RFC4: variants seen among roughly 807,000 people sequenced by gnomAD.
The protein encoded by RFC4 is A1 37 kDa subunit.
In RFC4, 38 loss-of-function variants were observed where a neutral mutation model predicts 47.6. The observed-to-expected ratio is 0.80, with a 90% CI of 0.62 to 1.05. RFC4 has a LOEUF of 1.05. Among genes scored for constraint, RFC4 ranks in the 50% least tolerant of loss-of-function variants. The probability of loss-of-function intolerance (pLI) is 0.00; values close to 1 mark genes in which losing one functional copy is unlikely to be tolerated. For synonymous variants in RFC4, 164 were observed against 150.0 expected (o/e 1.09, Z -0.68); for missense variants, 489 against 434.0 (o/e 1.13, Z -1.13).
intron 8 of RFC4, chr3:186,791,426 C>G (rs904695412): frequency 8.9e-6 from 3 of 336,670 alleles, no homozygotes; most frequent in Non-Finnish European, 1.7e-5. Flanking sequence ...GTCGGTATTG[C>G]GTCACTGCAC....
At chr3:186,798,215 G>A (rs747615875) in intron 3 of RFC4, among the ~76,000 whole-genome samples, 21 of 152,168 alleles carry the variant, frequency 1.4e-4, no homozygotes, top group Non-Finnish European at 2.9e-4. Flanking sequence ...GTATCAGGGA[G>A]AATTCATTAG....
intron 6 of RFC4, 31 bp downstream of exon 6, chr3:186,792,773 C>A (rs1176247851): frequency 6.3e-7 from 1 of 1,582,652 alleles, no homozygotes; most frequent in South Asian, 1.2e-5. Flanking sequence ...ATAAGGCTGC[C>A]TAGCATCTGT....
intron 2 of RFC4, among the ~76,000 whole-genome samples, chr3:186,802,690 T>C (rs1722383260): frequency 6.6e-6 from 1 of 152,206 alleles, no homozygotes; most frequent in Non-Finnish European, 1.5e-5. Flanking sequence ...CTTTGATCCA[T>C]ACTTTTCGAT....
At chr3:186,800,552 C>T (rs1360674551) in intron 3 of RFC4, among the ~76,000 whole-genome samples, 2 of 152,182 alleles carry the variant, frequency 1.3e-5, no homozygotes, top group African/African-American at 4.8e-5. Flanking sequence ...TAATTTTTCA[C>T]ATGGGTTTAT....
intron 2 of RFC4, among the ~76,000 whole-genome samples, chr3:186,803,459 C>G (rs1722403210): frequency 6.6e-6 from 1 of 152,160 alleles, no homozygotes; most frequent in Admixed American, 6.6e-5. Context: ...CTACATTCAA[C>G]CAATAGTTAC....
At chr3:186,792,998 T>C (rs781157425) in intron 5 of RFC4, 51 bp from the exon 6 acceptor site, 2 of 1,495,050 alleles carry the variant, frequency 1.3e-6, no homozygotes, top group East Asian at 2.3e-5. Flanking sequence ...ATATTGGTTT[T>C]AACAGCTTTG....
chr3:186,790,460 C>A (rs982032678), intron 8 of RFC4, 54 bp from the exon 9 acceptor site: 2 of 1,230,144 alleles, frequency 1.6e-6, no homozygotes, highest in East Asian at 2.4e-5. Flanking sequence ...ACTAGACATA[C>A]ACTCTGCCAA....
chr3:186,790,710 C>T (rs1400484237), intron 8 of RFC4, among the ~76,000 whole-genome samples: 13 of 151,968 alleles, frequency 8.6e-5, no homozygotes, highest in African/African-American at 2.4e-4. Flanking sequence ...GCGGCTATAA[C>T]GATTCCTCAG....
chr3:186,802,047 T>TAAAAAAAAAAAAAAAAAAAAA (rs1722369515), intron 2 of RFC4, among the ~76,000 whole-genome samples: 1 of 127,778 alleles, frequency 7.8e-6, no homozygotes. Flanking sequence ...AAAAAAAAAT[T>TAAAAAAAAAAAAAAAAAAAAA]AAAGTGAACA....
chr3:186,804,836 C>G, intron 1 of RFC4, 112 bp from the exon 2 acceptor site: 1 of 991,836 alleles, frequency 1.0e-6, no homozygotes, highest in Non-Finnish European at 1.5e-6. Context: ...AAGTACAGCC[C>G]GAAAATAAAC....
At chr3:186,801,439 C>T in intron 2 of RFC4, 1 of 471,078 alleles carries the variant, frequency 2.1e-6, no homozygotes, top group Non-Finnish European at 3.8e-6. Flanking sequence ...GTTATACCCA[C>T]AAAAATTAAA....
intron 3 of RFC4, among the ~76,000 whole-genome samples, chr3:186,800,772 T>G (rs990631590): frequency 6.6e-6 from 1 of 152,196 alleles, no homozygotes; most frequent in East Asian, 1.9e-4. Flanking sequence ...AATTATTTAT[T>G]GGTTTACTTG....
At chr3:186,797,165 C>T (rs1722258241) in intron 4 of RFC4, among the ~76,000 whole-genome samples, 1 of 152,196 alleles carries the variant, frequency 6.6e-6, no homozygotes, top group Non-Finnish European at 1.5e-5. Flanking sequence ...ACAGCAGATT[C>T]TATCATGTAG....
chr3:186,792,671 AT>A lies in RFC4; in HGVS notation c.555-62del, dbSNP rs1295847885. On this transcript the variant is annotated intron_variant, in intron 6 of 10. Coordinates refer to ENST00000296273, the MANE Select transcript of RFC4 (RefSeq NM_002916.5). ...AGAAAGAATTTCCCCAAAAGAACTCATTTTTATCAAGAACAAATCAAGATTT... is the reference window on the plus strand; with the variant it reads ...AGAAAGAATTTCCCCAAAAGAACTCATTTTATCAAGAACAAATCAAGATTT... 3 of 1,576,954 alleles carry A rather than the reference AT, an allele frequency of 1.9e-6. No individual in the cohort carries two copies. The Admixed American group carries it at 5.6e-5, about 29-fold the overall frequency.
At chr3:186,795,232 C>T (rs1722219232) in intron 4 of RFC4, among the ~76,000 whole-genome samples, 1 of 152,162 alleles carries the variant, frequency 6.6e-6, no homozygotes, top group Non-Finnish European at 1.5e-5. Flanking sequence ...CTCAGGTGAT[C>T]CTTCCACCTT....
In RFC4 at chr3:186,796,866, T is replaced by C. The variant is rs1168629300; in HGVS notation, c.290+669A>G. Among the ~76,000 whole-genome samples, 1 of 152,242 alleles carries C rather than the reference T, an allele frequency of 6.6e-6. No homozygotes were observed. The highest frequency in any genetic ancestry group is 2.4e-5 in the African/African-American group (1 of 41,460). On this transcript the variant is annotated intron_variant, in intron 4 of 10. Transcript: ENST00000296273. The surrounding 1 kb of genome is among the most constrained non-coding windows in gnomAD (Gnocchi z 4.2). ...TAAACTCAAAACAGCCTTTGTTATG[T>C]TGGTGCATGTTTCATGTATATCAGA... is the stretch of plus-strand genomic sequence containing the variant.
At chr3:186,799,703 A>C (rs1722312283) in intron 3 of RFC4, among the ~76,000 whole-genome samples, 1 of 151,462 alleles carries the variant, frequency 6.6e-6, no homozygotes, top group African/African-American at 2.4e-5. Context: ...ACAGAGCAAG[A>C]CTCTGTCTCA....
chr3:186,791,892 A>G (rs1445259236), intron 7 of RFC4, 42 bp from the exon 8 acceptor site: 1 of 1,524,444 alleles, frequency 6.6e-7, no homozygotes, highest in Non-Finnish European at 9.0e-7. Context: ...ATGGCCAATT[A>G]AGGATTTATA....
intron 3 of RFC4, among the ~76,000 whole-genome samples, chr3:186,799,469 T>A (rs1722307483): frequency 6.6e-6 from 1 of 152,192 alleles, no homozygotes; most frequent in South Asian, 2.1e-4. Context: ...AGGCTGGGCA[T>A]GATGGCTCAT....
Sources: allele counts gnomAD v4.1 joint callset (sites outside exome capture counted in the v4.1 genomes callset), GRCh38; gene constraint gnomAD v4.1.1; non-coding constraint Gnocchi (gnomAD v3.1); transcripts MANE v1.5; gene names NCBI Gene and HGNC (gene_info 2026-07-23, HGNC 2026-07-21).